ATP8A2: variants seen among roughly 807,000 people sequenced by gnomAD.
The protein encoded by ATP8A2 is ATPase phospholipid transporting 8A2, also known as phospholipid-transporting ATPase IB.
A neutral mutation model predicts 165.6 loss-of-function variants in ATP8A2; 100 were observed. That is an observed-to-expected ratio of 0.60 (90% CI 0.51 to 0.71). ATP8A2 has a LOEUF of 0.71. Among genes scored for constraint, ATP8A2 ranks in the 30% least tolerant of loss-of-function variants. The pLI, the probability that ATP8A2 is intolerant of heterozygous loss-of-function variation, is 0.00. For missense variants in ATP8A2, 1,227 were observed against 1,479.5 expected, an observed-to-expected ratio of 0.83 and a Z score of 2.80; for synonymous variants, 543 against 548.8, an observed-to-expected ratio of 0.99 and a Z score of 0.15.
At position 25,961,979 on chromosome 13, in the gene ATP8A2, G is replaced by A. The variant is rs147982496; in HGVS notation, c.3272+316G>A. Among the ~76,000 whole-genome samples the A allele has an allele frequency of 6.6e-3, 1,003 of 152,104 alleles. 8 individuals carry two copies. The highest frequency in any genetic ancestry group is 9.7e-3 in the Non-Finnish European group (658 of 67,984). On this transcript the variant is annotated intron_variant, in intron 34 of 36. Transcript: ENST00000381655. ...TTTGAGGCTGTAGTGAGCTATGGTC[G>A]TGCCACTATACTCCAGCCTGGGCCA...
intron 10 of ATP8A2, among the ~76,000 whole-genome samples, chr13:25,544,918 T>TTG (rs1555294547): frequency 6.6e-6 from 1 of 151,132 alleles, no homozygotes; most frequent in Non-Finnish European, 1.5e-5. Flanking sequence ...GAGTTTTTTT[T>TTG]TTTTTTTTTT....
At chr13:25,946,420 A>G (rs1426921178) in intron 33 of ATP8A2, among the ~76,000 whole-genome samples, 3 of 152,238 alleles carry the variant, frequency 2.0e-5, no homozygotes, top group Admixed American at 6.5e-5. Context: ...CCTGGCTATG[A>G]GCACAGTCAT....
At chr13:25,509,151 A>T (rs1355806678) in intron 2 of ATP8A2, among the ~76,000 whole-genome samples, 1 of 152,206 alleles carries the variant, frequency 6.6e-6, no homozygotes, top group Non-Finnish European at 1.5e-5. Context: ...TCAAAATATC[A>T]GTGTGGTATA....
chr13:25,574,705 G>A (rs992674648), intron 18 of ATP8A2, 103 bp from the exon 19 acceptor site: 10 of 603,426 alleles, frequency 1.7e-5, no homozygotes, highest in Non-Finnish European at 3.0e-5. Context: ...AAGGTGGGAA[G>A]AGAGAGAGAG....
intron 24 of ATP8A2, among the ~76,000 whole-genome samples, chr13:25,610,849 T>A (rs1256478938): frequency 6.6e-6 from 1 of 151,634 alleles, no homozygotes; most frequent in Non-Finnish European, 1.5e-5. Flanking sequence ...TTTTTCCTTG[T>A]AGAGGTCTCT....
rs185244809 is a variant in ATP8A2, at chr13:25,673,285, G to C, written c.2212-25888G>C. Among the ~76,000 whole-genome samples, 202 of 152,270 alleles carry C rather than the reference G, an allele frequency of 1.3e-3. 2 individuals are homozygous for C. The South Asian group carries it at 0.02, about 15-fold the overall frequency. On this transcript the variant is annotated intron_variant, in intron 24 of 36. Coordinates refer to ENST00000381655, the MANE Select transcript of ATP8A2 (RefSeq NM_016529.6). ...CGAATACTGATGATCTTCTATAAAT[G>C]TATGTGGAATTCTATTTGATGATTC...
intron 33 of ATP8A2, among the ~76,000 whole-genome samples, chr13:25,878,601 G>C (rs1952884713): frequency 6.6e-6 from 1 of 151,912 alleles, no homozygotes; most frequent in Non-Finnish European, 1.5e-5. Flanking sequence ...TTTATGACCT[G>C]TATTTTGTGC....
At chr13:25,629,088 T>C (rs1283227594) in intron 24 of ATP8A2, among the ~76,000 whole-genome samples, 1 of 152,148 alleles carries the variant, frequency 6.6e-6, no homozygotes, top group Non-Finnish European at 1.5e-5. Context: ...TTCTCTGACT[T>C]GCCTGTCACC....
In ATP8A2 at chr13:25,477,765, C is replaced by T. The variant is rs149988944; in HGVS notation, c.221+8644C>T. Among the ~76,000 whole-genome samples, 722 of 152,156 alleles carry T rather than the reference C, an allele frequency of 4.7e-3. 6 individuals are homozygous for T. The highest frequency in any genetic ancestry group is 0.017 in the African/African-American group (692 of 41,522). ...CAGCCTGGTGAACATGGTGAAACCC[C>T]GTCTCTACTAAAAACACAAAAATTA... is the stretch of plus-strand genomic sequence containing the variant. On this transcript the variant is annotated intron_variant, in intron 2 of 36. Coordinates refer to ENST00000381655, the MANE Select transcript of ATP8A2 (RefSeq NM_016529.6).
rs966544157 is a variant in ATP8A2 at position 25,665,755 on chromosome 13, C to G, written c.2212-33418C>G. On this transcript the variant is annotated intron_variant, in intron 24 of 36. Transcript: ENST00000381655. Reference sequence around the variant, plus strand: ...TAGAGGTGGGGGTCTTACTATGTTGCTCAGGCTGGACTTGAACTCCTGGGC... The same window carrying G: ...TAGAGGTGGGGGTCTTACTATGTTGGTCAGGCTGGACTTGAACTCCTGGGC... Among the ~76,000 whole-genome samples the G allele has an allele frequency of 9.2e-5, 14 of 151,892 alleles. No homozygotes were observed. In the South Asian group the frequency reaches 2.5e-3, roughly 27 times the overall value.
At chr13:25,817,031 C>T in intron 27 of ATP8A2, among the ~76,000 whole-genome samples, 1 of 152,154 alleles carries the variant, frequency 6.6e-6, no homozygotes, top group East Asian at 1.9e-4. Flanking sequence ...TTCTGCTACC[C>T]CTTCCATAAT....
chr13:25,400,839 C>T (rs144642624), intron 1 of ATP8A2, among the ~76,000 whole-genome samples: 12 of 152,220 alleles, frequency 7.9e-5, no homozygotes, highest in Admixed American at 2.0e-4. Context: ...CTGAGAAGGC[C>T]GGCATTGTGG....
intron 25 of ATP8A2, among the ~76,000 whole-genome samples, chr13:25,751,303 C>G (rs1161405046): frequency 6.6e-6 from 1 of 152,184 alleles, no homozygotes; most frequent in African/African-American, 2.4e-5. Flanking sequence ...TCTAGGACTT[C>G]TTCAAATACC....
chr13:25,729,828 T>C (rs1400686154), intron 25 of ATP8A2, among the ~76,000 whole-genome samples: 1 of 152,172 alleles, frequency 6.6e-6, no homozygotes, highest in Non-Finnish European at 1.5e-5. Flanking sequence ...TTCGGGATGC[T>C]AAGTGTAACG....
chr13:25,503,144 G>C (rs1304623361), intron 2 of ATP8A2, among the ~76,000 whole-genome samples: 2 of 152,174 alleles, frequency 1.3e-5, no homozygotes, highest in East Asian at 1.9e-4. Context: ...CTGCCACCTG[G>C]CTTCACTCCT....
At chr13:25,958,910 A>G (rs1357301272) in intron 33 of ATP8A2, among the ~76,000 whole-genome samples, 1 of 152,126 alleles carries the variant, frequency 6.6e-6, no homozygotes, top group Non-Finnish European at 1.5e-5. Context: ...TCTGTTTCTT[A>G]TTGATACATA....
At chr13:25,583,629 T>C (rs2039837703) in intron 23 of ATP8A2, among the ~76,000 whole-genome samples, 1 of 152,130 alleles carries the variant, frequency 6.6e-6, no homozygotes, top group Non-Finnish European at 1.5e-5. Context: ...TTCATTTTAT[T>C]ATACCTGAGC....
chr13:25,387,365 G>A (rs1048407770), intron 1 of ATP8A2, among the ~76,000 whole-genome samples: 1 of 151,974 alleles, frequency 6.6e-6, no homozygotes, highest in African/African-American at 2.4e-5. Context: ...TGCTTTTGTG[G>A]GTCACTTTGA....
At chr13:25,771,728 A>G (rs559014211) in intron 26 of ATP8A2, among the ~76,000 whole-genome samples, 2 of 152,242 alleles carry the variant, frequency 1.3e-5, no homozygotes, top group South Asian at 2.1e-4. Flanking sequence ...TCTCCTGTCC[A>G]TGGTCCTATT....
Sources: gnomAD v4.1 joint callset for allele counts (sites outside exome capture counted in the v4.1 genomes callset) on GRCh38, gnomAD v4.1.1 for gene constraint, MANE v1.5 for transcripts, NCBI Gene and HGNC (gene_info 2026-07-23, HGNC 2026-07-21) for gene names.